Variants in PCNX4 observed in about 807,000 individuals in gnomAD.
The protein encoded by PCNX4 is pecanex 4.
In PCNX4, 103 loss-of-function variants were observed where a neutral mutation model predicts 107.2. That is an observed-to-expected ratio of 0.96 (90% CI 0.82 to 1.13). The LOEUF (loss-of-function observed/expected upper bound fraction) is 1.13. Among genes scored for constraint, PCNX4 ranks in the 50% most tolerant of loss-of-function variants. The probability of loss-of-function intolerance (pLI) is 0.00; values close to 1 mark genes in which losing one functional copy is unlikely to be tolerated. For synonymous variants in PCNX4, 541 were observed against 481.7 expected (o/e 1.12, Z -1.61); for missense variants, 1,528 against 1,379.4 (o/e 1.11, Z -1.71).
In PCNX4 at chr14:60,143,861, A is replaced by G. The variant is rs1175320324; in HGVS notation, c.*9640A>G. 2.0e-5 allele frequency: 3 copies of G among 152,196 alleles called. No homozygotes were observed. Among genetic ancestry groups the G allele is most frequent in the African/African-American group, 4.8e-5 (2 of 41,452 alleles). 9.4% of individuals were successfully genotyped at this position (152,196 alleles called of 1,614,324 possible). A position where few individuals can be genotyped will look rare whatever the true frequency, so the allele number is the denominator to read the frequency against. On this transcript the variant is annotated 3_prime_UTR_variant, in exon 11 of 11. Coordinates refer to ENST00000406854, the MANE Select transcript of PCNX4 (RefSeq NM_001330177.2). ...TACCTGTTACTCCTGCTGATTTCCT[A>G]TTAGTGCCTGTGCATGTTTTCTGCT...
rs1435080156 is a variant in PCNX4, at chr14:60,138,283, C to T, written c.*4062C>T. ...TTAACTTGAGAAGATCTAACATACACGTAACTGGATTTCCAGGAGAAGAGA... is the reference window on the plus strand; with the variant it reads ...TTAACTTGAGAAGATCTAACATACATGTAACTGGATTTCCAGGAGAAGAGA... On this transcript the variant is annotated 3_prime_UTR_variant, in exon 11 of 11. Transcript: ENST00000406854. 2 of 152,026 alleles carry T rather than the reference C, an allele frequency of 1.3e-5. No individual in the cohort carries two copies. Among genetic ancestry groups the T allele is most frequent in the African/African-American group, 2.4e-5 (1 of 41,386 alleles). The allele number at this position is 152,026 out of a possible 1,614,324, so 9.4% of individuals were successfully genotyped here. A position where few individuals can be genotyped will look rare whatever the true frequency, so the allele number is the denominator to read the frequency against.
In PCNX4 at chr14:60,146,805, T is replaced by C. The variant is rs1018899941; in HGVS notation, c.*12584T>C. ...GAATGGACGTTAATGCTAAGTGATA[T>C]AAGCAAGATACAGAAAAACAAGTAC... is the stretch of plus-strand genomic sequence containing the variant. On this transcript the variant is annotated 3_prime_UTR_variant, in exon 11 of 11. Coordinates refer to ENST00000406854, the MANE Select transcript of PCNX4 (RefSeq NM_001330177.2). This position sits in a 1 kb window ranked among gnomAD's most constrained non-coding sequence, Gnocchi z 4.9. 6 of 152,176 alleles carry C rather than the reference T, an allele frequency of 3.9e-5. No homozygotes were observed. Among genetic ancestry groups the C allele is most frequent in the Non-Finnish European group, 8.8e-5 (6 of 68,030 alleles). 9.4% of individuals were successfully genotyped at this position (152,176 alleles called of 1,614,324 possible).
intron 10 of PCNX4, among the ~76,000 whole-genome samples, chr14:60,130,390 C>G (rs1474104443): frequency 2.6e-5 from 4 of 151,716 alleles, no homozygotes; most frequent in Non-Finnish European, 5.9e-5. Context: ...AACAAAATCC[C>G]ACACCCTTTC....
chr14:60,108,260 T>A lies in PCNX4; in HGVS notation c.622T>A (p.Tyr208Asn). The change falls in exon 2 of 11, where the codon TAT becomes AAT. Residue 208 changes from tyrosine (Y) to asparagine (N), a missense_variant. By Grantham distance (143) the Tyr-to-Asn change is moderately radical (BLOSUM62 -2). Coordinates refer to ENST00000406854, the MANE Select transcript of PCNX4 (RefSeq NM_001330177.2). ...TGCGACTTTCCAAACACAGGATACT[T>A]ATGAAATTATTCCTCTTATGAGACC... ...ETATFQTQDT[Y>N]EIIPLMRPLY... 2.5e-6 allele frequency: 4 copies of A among 1,612,738 alleles called. No individual in the cohort carries two copies. The highest frequency in any genetic ancestry group is 3.4e-6 in the Non-Finnish European group (4 of 1,179,794).
In PCNX4 at chr14:60,138,925, A is replaced by C. The variant is rs1013896866; in HGVS notation, c.*4704A>C. The C allele has an allele frequency of 6.6e-6, 1 of 152,146 alleles. No homozygotes were observed. Among genetic ancestry groups the C allele is most frequent in the East Asian group, 1.9e-4 (1 of 5,200 alleles). The allele number at this position is 152,146 out of a possible 1,614,324, so 9.4% of individuals were successfully genotyped here. ...AATTCTAAGGTCAGAATTATCAGAAAGAAGATTAAAGTATAAATAAGACTG... is the reference window on the plus strand; with the variant it reads ...AATTCTAAGGTCAGAATTATCAGAACGAAGATTAAAGTATAAATAAGACTG... On this transcript the variant is annotated 3_prime_UTR_variant, in exon 11 of 11. Transcript: ENST00000406854.
At chr14:60,095,949 T>C (rs1345320056) in intron 1 of PCNX4, among the ~76,000 whole-genome samples, 5 of 152,222 alleles carry the variant, frequency 3.3e-5, no homozygotes, top group African/African-American at 1.2e-4. Context: ...AGCAATTCTC[T>C]AGGGAATCAT....
In PCNX4 at chr14:60,134,145, T is replaced by G. The variant is rs1208488764; in HGVS notation, c.3443T>G (p.Leu1148Arg). Residue 1148 changes from leucine to arginine, a missense_variant, in exon 11 of 11, where the codon CTT (leucine) becomes CGT (arginine). Leu to Arg is a moderately radical substitution (Grantham distance 102, BLOSUM62 -2). Coordinates refer to ENST00000406854, the MANE Select transcript of PCNX4 (RefSeq NM_001330177.2). Reference protein sequence around the residue: ...IQAHPLLLRNLTVQAAEPPLG... With the variant: ...IQAHPLLLRNRTVQAAEPPLG... ...GCTCATCCACTACTTTTAAGAAATC[T>G]TACGGTACAAGCAGCAGAACCTCCC... The G allele has an allele frequency of 2.5e-6, 4 of 1,613,830 alleles. No individual in the cohort carries two copies. Among genetic ancestry groups the G allele is most frequent in the Non-Finnish European group, 3.4e-6 (4 of 1,179,764 alleles).
At chr14:60,117,282 C>A (rs1895867587) in intron 6 of PCNX4, among the ~76,000 whole-genome samples, 1 of 152,046 alleles carries the variant, frequency 6.6e-6, no homozygotes, top group Non-Finnish European at 1.5e-5. Context: ...TCAGGTATAC[C>A]ATTTTTTATC....
intron 6 of PCNX4, 72 bp from the exon 7 acceptor site, chr14:60,118,255 CTG>C: frequency 7.0e-7 from 1 of 1,419,436 alleles, no homozygotes; most frequent in Non-Finnish European, 9.3e-7. Context: ...ACTGTATAGT[CTG>C]TCTTATATGA....
At chr14:60,130,087 C>T (rs958783934) in intron 10 of PCNX4, among the ~76,000 whole-genome samples, 8 of 151,878 alleles carry the variant, frequency 5.3e-5, no homozygotes, top group African/African-American at 1.9e-4. Flanking sequence ...CCTGTAATCC[C>T]AGCACTTTGG....
chr14:60,101,562 A>G (rs894084594), intron 1 of PCNX4, among the ~76,000 whole-genome samples: 1 of 152,238 alleles, frequency 6.6e-6, no homozygotes, highest in Non-Finnish European at 1.5e-5. Context: ...CTCACCTGTT[A>G]TGATGACTAC....
At chr14:60,112,138 A>T (rs1175367547) in intron 2 of PCNX4, among the ~76,000 whole-genome samples, 1 of 152,150 alleles carries the variant, frequency 6.6e-6, no homozygotes, top group African/African-American at 2.4e-5. Flanking sequence ...CTTTTAAATG[A>T]CTTCTTCTGT....
intron 7 of PCNX4, among the ~76,000 whole-genome samples, chr14:60,119,311 A>C (rs953972023): frequency 6.6e-6 from 1 of 152,150 alleles, no homozygotes; most frequent in Non-Finnish European, 1.5e-5. Context: ...ACTAACTGTA[A>C]ATTTTAACTG....
chr14:60,108,704 T>G (rs1340440231), intron 2 of PCNX4: 1 of 148,282 alleles, frequency 6.7e-6, no homozygotes, highest in Non-Finnish European at 1.6e-5. Context: ...ATATACAGAT[T>G]GAATGAATTT....
In PCNX4 at chr14:60,094,720, C is replaced by A. The variant is rs373376636; in HGVS notation, c.-54+2301C>A. On this transcript the variant is annotated intron_variant, in intron 1 of 10. Transcript: ENST00000406854. ...GGCTCTGGCATTAAGCTGCACCCCC[C>A]ACCTCTGCAGGTTTTTGCAATATAC... 4.6e-5 allele frequency among the ~76,000 whole-genome samples: 7 copies of A among 151,736 alleles called. No individual in the cohort carries two copies. In the East Asian group the frequency reaches 9.7e-4, roughly 21 times the overall value.
Position 60,107,917 on chromosome 14 carries a change from C to T in PCNX4, c.279C>T (p.Tyr93=), listed in dbSNP as rs140344049. The T allele has an allele frequency of 2.2e-5, 36 of 1,612,662 alleles. No homozygotes were observed. Among genetic ancestry groups the T allele is most frequent in the East Asian group, 8.9e-5 (4 of 44,894 alleles). The change falls in exon 2 of 11, where the codon TAC becomes TAT. Residue 93 remains tyrosine, a synonymous_variant. Coordinates refer to ENST00000406854, the MANE Select transcript of PCNX4 (RefSeq NM_001330177.2). Reference sequence around the variant, plus strand: ...TTGTCATCCAGTTCACAAGTTTATACGCCAAAAACAAATCAACAACAGTAG... The same window carrying T: ...TTGTCATCCAGTTCACAAGTTTATATGCCAAAAACAAATCAACAACAGTAG... ...TAFVIQFTSL[Y]AKNKSTTVER... is the part of the protein sequence containing the mutation.
chr14:60,095,265 CATAA>C (rs1424649284), intron 1 of PCNX4, among the ~76,000 whole-genome samples: 2 of 152,058 alleles, frequency 1.3e-5, no homozygotes, highest in Admixed American at 1.3e-4. Flanking sequence ...CATAAGATGA[CATAA>C]AAGGGGCAGA....
chr14:60,123,499 A>G (rs577058167), intron 8 of PCNX4, among the ~76,000 whole-genome samples: 4 of 127,970 alleles, frequency 3.1e-5, no homozygotes, highest in Non-Finnish European at 4.7e-5. Context: ...AAATATATAA[A>G]TAAGCAATAT....
chr14:60,134,389 A>G lies in PCNX4; in HGVS notation c.*168A>G. 1.4e-6 allele frequency: 1 copy of G among 716,014 alleles called. No individual in the cohort carries two copies. The allele number at this position is 716,014 out of a possible 1,614,324, so 44.4% of individuals were successfully genotyped here. The stretch of plus-strand genomic sequence containing the variant: ...CTCTTAGCCATCTTAATGGTTCTAA[A>G]AAACAGCAAAAACATCTTTATGTCT... On this transcript the variant is annotated 3_prime_UTR_variant, in exon 11 of 11. Transcript: ENST00000406854.
Sources: allele counts gnomAD v4.1 joint callset (sites outside exome capture counted in the v4.1 genomes callset), GRCh38; gene constraint gnomAD v4.1.1; non-coding constraint Gnocchi (gnomAD v3.1); transcripts MANE v1.5; gene names NCBI Gene and HGNC (gene_info 2026-07-23, HGNC 2026-07-21).